The following AFG2A variants were observed in gnomAD, a reference collection of about 807,000 sequenced individuals.
The protein encoded by AFG2A is ATPase family gene 2 protein homolog A.
At chr4:123,151,890 T>C in the AFG2A span, among the ~76,000 whole-genome samples, 147 of 152,222 alleles carry the variant, frequency 9.7e-4, no homozygotes, top group Admixed American at 2.6e-4. Flanking sequence ...TGCCCATCAA[T>C]GATAGACTGA....
At chr4:123,228,406 A>G in the AFG2A span, among the ~76,000 whole-genome samples, 18 of 152,038 alleles carry the variant, frequency 1.2e-4, no homozygotes, top group Non-Finnish European at 4.4e-5. Context: ...TTAAAGAGGA[A>G]AATCTTAAAA....
At chr4:123,240,421 A>G in the AFG2A span, among the ~76,000 whole-genome samples, 2 of 152,202 alleles carry the variant, frequency 1.3e-5, no homozygotes, top group African/African-American at 4.8e-5. Context: ...GAATCACAAC[A>G]AACTGTCTCT....
the AFG2A span, among the ~76,000 whole-genome samples, chr4:122,992,978 G>GTTTGGTGTGTA: frequency 7.4e-6 from 1 of 134,944 alleles, no homozygotes; most frequent in Non-Finnish European, 1.7e-5. Flanking sequence ...GTGTGTGTAT[G>GTTTGGTGTGTA]TGTGTGTGTG....
the AFG2A span, among the ~76,000 whole-genome samples, chr4:123,213,886 A>G: frequency 6.6e-6 from 1 of 152,212 alleles, no homozygotes; most frequent in Admixed American, 6.5e-5. Context: ...TTATTGCTTA[A>G]TTGACATTAA....
the AFG2A span, among the ~76,000 whole-genome samples, chr4:122,956,770 A>G: frequency 6.6e-6 from 1 of 152,232 alleles, no homozygotes; most frequent in Non-Finnish European, 1.5e-5. Context: ...AGAATCCAGT[A>G]GGGAAAATAT....
chr4:123,158,108 T>G, the AFG2A span, among the ~76,000 whole-genome samples: 1 of 152,172 alleles, frequency 6.6e-6, no homozygotes, highest in Non-Finnish European at 1.5e-5. Context: ...ATGATGAAAG[T>G]GAGTAGTGTC....
chr4:123,190,169 ATTCTC>A, the AFG2A span, among the ~76,000 whole-genome samples: 1 of 152,136 alleles, frequency 6.6e-6, no homozygotes, highest in African/African-American at 2.4e-5. Context: ...TACTGTGACT[ATTCTC>A]TTTTCAAAAA....
the AFG2A span, among the ~76,000 whole-genome samples, chr4:123,276,688 T>C: frequency 6.6e-6 from 1 of 152,304 alleles, no homozygotes; most frequent in South Asian, 2.1e-4. Flanking sequence ...CTAGTTTCAA[T>C]CTTCTGTACA....
the AFG2A span, among the ~76,000 whole-genome samples, chr4:122,941,466 T>G: frequency 6.6e-6 from 1 of 152,264 alleles, no homozygotes; most frequent in South Asian, 2.1e-4. Context: ...ATGCTTGTGA[T>G]TTTTGTACAT....
At chr4:122,984,627 G>A in the AFG2A span, among the ~76,000 whole-genome samples, 3 of 152,140 alleles carry the variant, frequency 2.0e-5, no homozygotes, top group Non-Finnish European at 4.4e-5. Flanking sequence ...TATGTCCCAT[G>A]TATACCAGTT....
the AFG2A span, among the ~76,000 whole-genome samples, chr4:123,243,097 A>G: frequency 3.9e-5 from 6 of 152,230 alleles, no homozygotes; most frequent in African/African-American, 1.4e-4. Flanking sequence ...TTGGGAAACA[A>G]CAGATGCTGG....
chr4:122,933,203 G>A, the AFG2A span, among the ~76,000 whole-genome samples: 1 of 152,152 alleles, frequency 6.6e-6, no homozygotes, highest in Non-Finnish European at 1.5e-5. Context: ...CTTGTGTTTT[G>A]AAGAACATTG....
the AFG2A span, among the ~76,000 whole-genome samples, chr4:123,304,423 A>G: frequency 8.5e-5 from 13 of 152,106 alleles, no homozygotes; most frequent in African/African-American, 3.1e-4. Context: ...AATCCCTCAG[A>G]CACACAGAGG....
chr4:123,178,180 A>C, the AFG2A span, among the ~76,000 whole-genome samples: 9 of 152,170 alleles, frequency 5.9e-5, no homozygotes, highest in Non-Finnish European at 4.4e-5. Context: ...TCTAGTGGTA[A>C]AGTCTGGGCT....
At chr4:123,285,501 T>A in the AFG2A span, among the ~76,000 whole-genome samples, 1 of 152,134 alleles carries the variant, frequency 6.6e-6, no homozygotes, top group Non-Finnish European at 1.5e-5. Flanking sequence ...TTTTGAGTCC[T>A]TAATACAGCC....
At chr4:123,190,548 G>T in the AFG2A span, among the ~76,000 whole-genome samples, 1 of 152,128 alleles carries the variant, frequency 6.6e-6, no homozygotes, top group Non-Finnish European at 1.5e-5. Context: ...AATGAGAAAG[G>T]CCTGAAGGGT....
chr4:123,033,760 C>T, the AFG2A span, among the ~76,000 whole-genome samples: 5 of 152,088 alleles, frequency 3.3e-5, no homozygotes, highest in Non-Finnish European at 7.4e-5. Flanking sequence ...AACCTTAGCA[C>T]TTTTTAGTTT....
At chr4:123,069,509 A>T in the AFG2A span, among the ~76,000 whole-genome samples, 1 of 152,134 alleles carries the variant, frequency 6.6e-6, no homozygotes, top group Non-Finnish European at 1.5e-5. Context: ...GTGTAGGTAG[A>T]AAAAAACAGA....
chr4:123,157,579 CT>C, the AFG2A span, among the ~76,000 whole-genome samples: 2 of 152,056 alleles, frequency 1.3e-5, no homozygotes, highest in Non-Finnish European at 2.9e-5. Flanking sequence ...AAAATTGTAA[CT>C]CTTGATTTAC....
Sources: allele counts gnomAD v4.1 joint callset (sites outside exome capture counted in the v4.1 genomes callset), GRCh38; gene constraint gnomAD v4.1.1; transcripts MANE v1.5; gene names NCBI Gene and HGNC (gene_info 2026-07-23, HGNC 2026-07-21).